BNC2: variants seen among roughly 807,000 people sequenced by gnomAD.
BNC2 encodes basonuclin zinc finger protein 2.
In BNC2, 20 loss-of-function variants were observed where a neutral mutation model predicts 76.3. That is an observed-to-expected ratio of 0.26 (90% CI 0.18 to 0.38). BNC2 has a LOEUF of 0.38. Ranked by LOEUF, BNC2 falls within the 10% of genes least tolerant of loss-of-function variation. The pLI, the probability that BNC2 is intolerant of heterozygous loss-of-function variation, is 1.00. For synonymous variants in BNC2, 582 were observed against 514.8 expected (o/e 1.13, Z -1.77); for missense variants, 1,382 against 1,399.8 (o/e 0.99, Z 0.20).
chr9:16,598,450 A>G (rs978800007), intron 3 of BNC2, among the ~76,000 whole-genome samples: 1 of 152,218 alleles, frequency 6.6e-6, no homozygotes, highest in Non-Finnish European at 1.5e-5. Context: ...CAGAATATGC[A>G]AAAGTTGCTG....
intron 4 of BNC2, among the ~76,000 whole-genome samples, chr9:16,562,677 T>C (rs368813231): frequency 6.6e-6 from 1 of 152,314 alleles, no homozygotes; most frequent in East Asian, 1.9e-4. Flanking sequence ...TCCTCTTTCA[T>C]TAAGCATATA....
chr9:16,611,387 G>C (rs997255872), intron 3 of BNC2, among the ~76,000 whole-genome samples: 28 of 152,224 alleles, frequency 1.8e-4, no homozygotes, highest in African/African-American at 6.5e-4. Flanking sequence ...CGGCTGTAAA[G>C]TGAACTGTGG....
chr9:16,667,141 T>C (rs1408267957), intron 3 of BNC2, among the ~76,000 whole-genome samples: 1 of 151,654 alleles, frequency 6.6e-6, no homozygotes, highest in Non-Finnish European at 1.5e-5. Context: ...GTTATAAAAG[T>C]ACTGTCACTA....
At chr9:16,450,599 T>C (rs1821320425) in intron 5 of BNC2, among the ~76,000 whole-genome samples, 1 of 152,200 alleles carries the variant, frequency 6.6e-6, no homozygotes, top group Non-Finnish European at 1.5e-5. Flanking sequence ...TTAAATCAAA[T>C]CGCCTTATGA....
intron 4 of BNC2, among the ~76,000 whole-genome samples, chr9:16,556,694 G>T (rs938976154): frequency 2.6e-5 from 4 of 151,714 alleles, no homozygotes. Context: ...CTGGAACCTG[G>T]GAGGTGGAGG....
intron 5 of BNC2, among the ~76,000 whole-genome samples, chr9:16,498,184 T>C (rs1353550285): frequency 1.6e-5 from 2 of 126,314 alleles, no homozygotes; most frequent in Admixed American, 1.5e-4. Context: ...CATATATATA[T>C]TCCATCATAT....
At chr9:16,532,771 T>C (rs1175888563) in intron 5 of BNC2, among the ~76,000 whole-genome samples, 1 of 152,236 alleles carries the variant, frequency 6.6e-6, no homozygotes, top group Admixed American at 6.5e-5. Flanking sequence ...GATTACTTGC[T>C]TCTACTTACG....
chr9:16,841,601 A>C (rs1818827585), intron 1 of BNC2, among the ~76,000 whole-genome samples: 1 of 152,176 alleles, frequency 6.6e-6, no homozygotes, highest in Non-Finnish European at 1.5e-5. Context: ...ATGATCCTTG[A>C]GTGGTTTCAC....
intron 5 of BNC2, among the ~76,000 whole-genome samples, chr9:16,548,867 G>C (rs919550964): frequency 6.6e-6 from 1 of 152,218 alleles, no homozygotes; most frequent in East Asian, 1.9e-4. Flanking sequence ...GGAGAATATT[G>C]GGTTCTTAAT....
intron 1 of BNC2, among the ~76,000 whole-genome samples, chr9:16,811,611 A>G (rs1818057143): frequency 6.6e-6 from 1 of 151,610 alleles, no homozygotes; most frequent in Non-Finnish European, 1.5e-5. Flanking sequence ...TGTGAAGGCT[A>G]GACATGGACT....
chr9:16,773,267 T>A (rs752399054), intron 1 of BNC2, among the ~76,000 whole-genome samples: 8 of 152,186 alleles, frequency 5.3e-5, no homozygotes, highest in Non-Finnish European at 1.2e-4. Flanking sequence ...TGTGGCAGTG[T>A]CATATGAAGG....
intron 3 of BNC2, among the ~76,000 whole-genome samples, chr9:16,665,386 A>AAAAGAGAGAGAGAG (rs1554702315): frequency 2.4e-5 from 2 of 84,302 alleles, no homozygotes; most frequent in South Asian, 5.5e-4. Flanking sequence ...AAAAAAAAAA[A>AAAAGAGAGAGAGAG]AGAGAGAGAG....
intron 3 of BNC2, among the ~76,000 whole-genome samples, chr9:16,631,603 A>C (rs1023256545): frequency 2.6e-5 from 4 of 152,232 alleles, no homozygotes; most frequent in Middle Eastern, 3.2e-3. Context: ...TCTGCAACTG[A>C]GAGGGCTGGT....
At chr9:16,574,993 T>C (rs2132921427) in intron 4 of BNC2, among the ~76,000 whole-genome samples, 1 of 152,346 alleles carries the variant, frequency 6.6e-6, no homozygotes, top group Non-Finnish European at 1.5e-5. Flanking sequence ...GTCCACAGTG[T>C]TGAAGTCTTA....
At chr9:16,813,729 G>A (rs1248639929) in intron 1 of BNC2, among the ~76,000 whole-genome samples, 1 of 152,040 alleles carries the variant, frequency 6.6e-6, no homozygotes, top group Non-Finnish European at 1.5e-5. Flanking sequence ...CAAGAGCTTT[G>A]GTTGAATTGT....
rs955858286 is a variant in BNC2 at position 16,664,712 on chromosome 9, A to C, written c.330+63085T>G. 4.5e-4 allele frequency among the ~76,000 whole-genome samples: 67 copies of C among 148,650 alleles called. No individual in the cohort carries two copies. The South Asian group carries it at 0.011, about 24-fold the overall frequency. On this transcript the variant is annotated intron_variant, in intron 3 of 6. Transcript: ENST00000380672. ...CAGGAAAAAAACAAAAACAAAAAAA[A>C]CAAAAAAAAACAAAAACAAAAAAAA...
chr9:16,620,387 C>G (rs141878337), intron 3 of BNC2, among the ~76,000 whole-genome samples: 1 of 152,168 alleles, frequency 6.6e-6, no homozygotes, highest in Admixed American at 6.5e-5. Context: ...TTGCTCGGAG[C>G]TTTTACTGGC....
chr9:16,701,356 G>C (rs1017008456), intron 3 of BNC2, among the ~76,000 whole-genome samples: 1 of 152,190 alleles, frequency 6.6e-6, no homozygotes, highest in African/African-American at 2.4e-5. Flanking sequence ...AACTTTGCTG[G>C]ATTACACATG....
intron 1 of BNC2, among the ~76,000 whole-genome samples, chr9:16,792,373 C>T (rs1312109047): frequency 1.3e-5 from 2 of 152,196 alleles, no homozygotes; most frequent in Non-Finnish European, 2.9e-5. Context: ...AACTTCATCA[C>T]TAACTTATCT....
Sources: gnomAD v4.1 joint callset for allele counts (sites outside exome capture counted in the v4.1 genomes callset) on GRCh38, gnomAD v4.1.1 for gene constraint, MANE v1.5 for transcripts, NCBI Gene and HGNC (gene_info 2026-07-23, HGNC 2026-07-21) for gene names.